Variants in MAP2K5 observed in about 807,000 individuals in gnomAD.
The protein encoded by MAP2K5 is mitogen-activated protein kinase kinase 5.
A neutral mutation model predicts 83.1 loss-of-function variants in MAP2K5; 49 were observed. That is an observed-to-expected ratio of 0.59 (90% CI 0.47 to 0.75). The LOEUF (loss-of-function observed/expected upper bound fraction) is 0.75, where lower values mean the gene tolerates loss of function less well. Ranked by LOEUF, MAP2K5 falls within the 30% of genes least tolerant of loss-of-function variation. The pLI, the probability that MAP2K5 is intolerant of heterozygous loss-of-function variation, is 0.00. For missense variants in MAP2K5, 457 were observed against 557.5 expected, an observed-to-expected ratio of 0.82 and a Z score of 1.82; for synonymous variants, 202 against 191.8, an observed-to-expected ratio of 1.05 and a Z score of -0.44.
chr15:67,754,417 A>T (rs1791421914), intron 19 of MAP2K5, among the ~76,000 whole-genome samples: 1 of 152,184 alleles, frequency 6.6e-6, no homozygotes, highest in African/African-American at 2.4e-5. Flanking sequence ...CAGCTAGAAA[A>T]ATTTGTATTT....
chr15:67,692,463 T>C lies in MAP2K5; in HGVS notation c.848-16T>C. On this transcript the variant is annotated splice_polypyrimidine_tract_variant and intron_variant, in intron 13 of 21. Transcript: ENST00000178640. ...ACATGGAATTAGTTACATGGCCTTTTCTGGTCCCTTTTTAGACGTGAAGCC... is the reference window on the plus strand; with the variant it reads ...ACATGGAATTAGTTACATGGCCTTTCCTGGTCCCTTTTTAGACGTGAAGCC... The C allele has an allele frequency of 1.9e-6, 3 of 1,605,328 alleles. No homozygotes were observed. The highest frequency in any genetic ancestry group is 2.6e-6 in the Non-Finnish European group (3 of 1,172,080).
In MAP2K5 at chr15:67,562,505, A is replaced by G. The variant is rs1232537818; in HGVS notation, c.185-778A>G. On this transcript the variant is annotated intron_variant, in intron 2 of 21. Transcript: ENST00000178640. This position sits in a 1 kb window ranked among gnomAD's most constrained non-coding sequence, Gnocchi z 4.1. ...ATGTGGCCTCTGATGATACTTACTCAAATTTACACATTCTGGTTATGTAGT... is the reference window on the plus strand; with the variant it reads ...ATGTGGCCTCTGATGATACTTACTCGAATTTACACATTCTGGTTATGTAGT... Among the ~76,000 whole-genome samples the G allele has an allele frequency of 1.3e-5, 2 of 152,238 alleles. No individual in the cohort carries two copies. The highest frequency in any genetic ancestry group is 4.8e-5 in the African/African-American group (2 of 41,460).
intron 21 of MAP2K5, among the ~76,000 whole-genome samples, chr15:67,797,614 G>C (rs753565304): frequency 6.6e-6 from 1 of 152,030 alleles, no homozygotes; most frequent in Non-Finnish European, 1.5e-5. Context: ...AGTTTTTCTA[G>C]GTATAGATTT....
At chr15:67,713,278 T>C (rs151035160) in intron 16 of MAP2K5, among the ~76,000 whole-genome samples, 189 of 152,348 alleles carry the variant, frequency 1.2e-3, no homozygotes, top group Non-Finnish European at 2.1e-3. Context: ...TTTTGTCTCA[T>C]TGGAATGTAC....
At position 67,806,695 on chromosome 15, in the gene MAP2K5, C is replaced by G. The variant is rs923858985; in HGVS notation, c.1292C>G (p.Ser431Cys). 6.4e-7 allele frequency: 1 copy of G among 1,551,810 alleles called. No individual in the cohort carries two copies. Among genetic ancestry groups the G allele is most frequent in the African/African-American group, 1.4e-5 (1 of 73,146 alleles). The change falls in exon 22 of 22, where the codon TCC becomes TGC. Residue 431 changes from serine to cysteine, a missense_variant. By Grantham distance (112) the Ser-to-Cys change is moderately radical (BLOSUM62 -1). Around this residue, in one of 3 missense-constraint regions of MAP2K5, gnomAD observed 55 missense variants for 50.9 expected, o/e 1.08. Coordinates refer to ENST00000178640, the MANE Select transcript of MAP2K5 (RefSeq NM_145160.3). ...AATGATGGAAATGCCGCCGTGGTGTCCATGTGGGTGTGCCGGGCGCTGGAG... is the reference window on the plus strand; with the variant it reads ...AATGATGGAAATGCCGCCGTGGTGTGCATGTGGGTGTGCCGGGCGCTGGAG... The part of the protein sequence containing the change: ...QFNDGNAAVV[S>C]MWVCRALEER...
chr15:67,643,008 G>T (rs1333085430), intron 9 of MAP2K5, among the ~76,000 whole-genome samples: 1 of 152,084 alleles, frequency 6.6e-6, no homozygotes, highest in African/African-American at 2.4e-5. Flanking sequence ...CTTACTTTGG[G>T]TTAGGAATTA....
In MAP2K5 at chr15:67,640,957, G is replaced by A. The variant is rs371103988; in HGVS notation, c.586-5274G>A. 2.6e-5 allele frequency among the ~76,000 whole-genome samples: 4 copies of A among 152,206 alleles called. No homozygotes were observed. Among genetic ancestry groups the A allele is most frequent in the African/African-American group, 7.2e-5 (3 of 41,456 alleles). On this transcript the variant is annotated intron_variant, in intron 9 of 21. Transcript: ENST00000178640. The surrounding 1 kb of genome is among the most constrained non-coding windows in gnomAD (Gnocchi z 4.6). ...AAGATAACTATTTCATAATGACCAT[G>A]TGTAATTCATGAAACGTGTTTCTAC...
At chr15:67,710,367 T>G (rs2088661081) in intron 16 of MAP2K5, among the ~76,000 whole-genome samples, 1 of 152,084 alleles carries the variant, frequency 6.6e-6, no homozygotes, top group Non-Finnish European at 1.5e-5. Context: ...TTGAAGTGGT[T>G]TGAATGATGT....
rs1035772325 is a variant in MAP2K5 at position 67,691,033 on chromosome 15, A to G, written c.848-1446A>G. ...ACTTGAATTCATAGAGCCTCCCAATAGAGGTTATAGTGTGTGGTATCTGAA... is the reference window on the plus strand; with the variant it reads ...ACTTGAATTCATAGAGCCTCCCAATGGAGGTTATAGTGTGTGGTATCTGAA... On this transcript the variant is annotated intron_variant, in intron 13 of 21. Transcript: ENST00000178640. Among the ~76,000 whole-genome samples the G allele has an allele frequency of 5.3e-5, 8 of 152,188 alleles. No individual in the cohort carries two copies. The East Asian group carries it at 1.5e-3, about 29-fold the overall frequency.
At position 67,561,491 on chromosome 15, in the gene MAP2K5, A is replaced by G. The variant is rs1302520084; in HGVS notation, c.185-1792A>G. 2.0e-5 allele frequency among the ~76,000 whole-genome samples: 3 copies of G among 152,312 alleles called. No homozygotes were observed. Among genetic ancestry groups the G allele is most frequent in the African/African-American group, 7.2e-5 (3 of 41,560 alleles). On this transcript the variant is annotated intron_variant, in intron 2 of 21. Transcript: ENST00000178640. This position sits in a 1 kb window ranked among gnomAD's most constrained non-coding sequence, Gnocchi z 4.2. ...CTTCATTACTGCAAGTGACCAGTGT[A>G]TGCCTTTTACTCTGAAAACAGGCAA... is the stretch of plus-strand genomic sequence containing the variant.
chr15:67,753,279 A>G (rs2089763139), intron 19 of MAP2K5, among the ~76,000 whole-genome samples: 1 of 152,252 alleles, frequency 6.6e-6, no homozygotes, highest in African/African-American at 2.4e-5. Flanking sequence ...CCATGACCTT[A>G]GGTTAGCAAT....
chr15:67,730,557 A>C (rs2089197455), intron 17 of MAP2K5, among the ~76,000 whole-genome samples: 2 of 152,206 alleles, frequency 1.3e-5, no homozygotes, highest in African/African-American at 4.8e-5. Context: ...GAACACTTCC[A>C]GTGACAAGAA....
rs149692361 is a variant in MAP2K5 at position 67,637,928 on chromosome 15, G to GTGTT, written c.585+7004_585+7005insTTGT. ...CCTGTTGATGTGTGTGTGAGTGTGT[G>GTGTT]TGTATGTGTGTTTTAGTACCTCTTC... On this transcript the variant is annotated intron_variant, in intron 9 of 21. Coordinates refer to ENST00000178640, the MANE Select transcript of MAP2K5 (RefSeq NM_145160.3). The surrounding 1 kb of genome is among the most constrained non-coding windows in gnomAD (Gnocchi z 4.5). Among the ~76,000 whole-genome samples, 1 of 150,696 alleles carries GTGTT rather than the reference G, an allele frequency of 6.6e-6. No individual in the cohort carries two copies. Among genetic ancestry groups the GTGTT allele is most frequent in the Non-Finnish European group, 1.5e-5 (1 of 67,514 alleles).
rs536043962 is a variant in MAP2K5 at position 67,573,060 on chromosome 15, A to C, written c.253-7694A>C. Reference sequence around the variant, plus strand: ...GTTTTCAAGATATTAGGGTATCAGGACATTCCTGAACCTGGGTATGTTTAG... The same window carrying C: ...GTTTTCAAGATATTAGGGTATCAGGCCATTCCTGAACCTGGGTATGTTTAG... On this transcript the variant is annotated intron_variant, in intron 3 of 21. Transcript: ENST00000178640. This position sits in a 1 kb window ranked among gnomAD's most constrained non-coding sequence, Gnocchi z 4.2. Among the ~76,000 whole-genome samples, 1 of 152,286 alleles carries C rather than the reference A, an allele frequency of 6.6e-6. No homozygotes were observed. The highest frequency in any genetic ancestry group is 2.1e-4 in the South Asian group (1 of 4,830).
intron 13 of MAP2K5, among the ~76,000 whole-genome samples, chr15:67,670,883 T>G (rs2087515979): frequency 6.6e-6 from 1 of 152,364 alleles, no homozygotes; most frequent in Admixed American, 6.5e-5. Context: ...TGGACAGTTC[T>G]TTCTGTAGTT....
chr15:67,579,699 A>G (rs1596589766), intron 3 of MAP2K5, among the ~76,000 whole-genome samples: 1 of 146,076 alleles, frequency 6.8e-6, no homozygotes, highest in Non-Finnish European at 1.5e-5. Flanking sequence ...TTTCAAGAGG[A>G]AAAAAAAAAC....
rs779096822 is a variant in MAP2K5, at chr15:67,586,839, C to T, written c.364-7C>T. The stretch of plus-strand genomic sequence containing the variant: ...AAGACTGATCAAGATTCTTTCTTTA[C>T]TTATAGGTGAATACTCGGGCCGGAC... On this transcript the variant is annotated splice_region_variant and splice_polypyrimidine_tract_variant and intron_variant, in intron 5 of 21. Transcript: ENST00000178640. 6.2e-7 allele frequency: 1 copy of T among 1,613,668 alleles called. No individual in the cohort carries two copies. Among genetic ancestry groups the T allele is most frequent in the Non-Finnish European group, 8.5e-7 (1 of 1,179,582 alleles).
chr15:67,653,429 G>A (rs1408794938), intron 11 of MAP2K5, among the ~76,000 whole-genome samples: 1 of 151,886 alleles, frequency 6.6e-6, no homozygotes, highest in Non-Finnish European at 1.5e-5. Context: ...GGGATTACAA[G>A]CACCCAGCTA....
At chr15:67,623,501 A>C (rs560293327) in intron 8 of MAP2K5, among the ~76,000 whole-genome samples, 3 of 152,244 alleles carry the variant, frequency 2.0e-5, no homozygotes, top group African/African-American at 7.2e-5. Flanking sequence ...TAGAGCATAT[A>C]GTCTAACTAG....
Sources: gnomAD v4.1 joint callset for allele counts (sites outside exome capture counted in the v4.1 genomes callset) on GRCh38, gnomAD v4.1.1 for gene constraint, gnomAD v4.1.1 regional missense constraint, Gnocchi (gnomAD v3.1) non-coding constraint, MANE v1.5 for transcripts, NCBI Gene and HGNC (gene_info 2026-07-23, HGNC 2026-07-21) for gene names.